Variants in TBC1D22A observed in about 807,000 individuals in gnomAD.
The protein encoded by TBC1D22A is putative GTPase activator.
A neutral mutation model predicts 60.2 loss-of-function variants in TBC1D22A; 38 were observed. The ratio of observed to expected loss-of-function variants is 0.63; its 90% confidence interval spans 0.49 to 0.83. The LOEUF (loss-of-function observed/expected upper bound fraction) is 0.83, where lower values mean the gene tolerates loss of function less well. Ranked by LOEUF, TBC1D22A falls within the 40% of genes least tolerant of loss-of-function variation. The pLI is 0.00. For synonymous variants in TBC1D22A, 302 were observed against 281.7 expected (o/e 1.07, Z -0.72); for missense variants, 628 against 701.0 (o/e 0.90, Z 1.18).
intron 11 of TBC1D22A, among the ~76,000 whole-genome samples, chr22:47,100,200 C>T (rs1156891529): frequency 2.0e-5 from 3 of 152,070 alleles, no homozygotes; most frequent in African/African-American, 7.2e-5. Flanking sequence ...AGGGGTGAGG[C>T]GTCAGGGCAC....
chr22:46,904,428 C>T (rs1307161706), intron 7 of TBC1D22A, among the ~76,000 whole-genome samples: 2 of 151,838 alleles, frequency 1.3e-5, no homozygotes, highest in African/African-American at 2.4e-5. Flanking sequence ...CTCTCAGCCG[C>T]GAGTGCTTTC....
In TBC1D22A at chr22:47,014,368, A is replaced by T. The variant is rs536705064; in HGVS notation, c.1201+16659A>T. On this transcript the variant is annotated intron_variant, in intron 10 of 12. Coordinates refer to ENST00000337137, the MANE Select transcript of TBC1D22A (RefSeq NM_014346.5). ...TACAGGTGTCCAGAGCCCTCTGATGACTCCCATAGCCGCAGGCCTCAGTCT... is the reference window on the plus strand; with the variant it reads ...TACAGGTGTCCAGAGCCCTCTGATGTCTCCCATAGCCGCAGGCCTCAGTCT... Among the ~76,000 whole-genome samples the T allele has an allele frequency of 5.1e-3, 773 of 151,318 alleles. 3 individuals are homozygous for T. The highest frequency in any genetic ancestry group is 6.3e-3 in the Non-Finnish European group (426 of 67,800).
At chr22:47,159,776 TCACA>T in intron 12 of TBC1D22A, among the ~76,000 whole-genome samples, 1 of 145,658 alleles carries the variant, frequency 6.9e-6, no homozygotes, top group Middle Eastern at 3.6e-3. Flanking sequence ...CACCACACAC[TCACA>T]CAGACCCTAC....
At chr22:46,939,022 T>C (rs565150704) in intron 8 of TBC1D22A, among the ~76,000 whole-genome samples, 1 of 131,642 alleles carries the variant, frequency 7.6e-6, no homozygotes, top group East Asian at 2.0e-4. Context: ...GTTACCCATA[T>C]GATTGCATTA....
At chr22:47,065,633 G>C (rs1259261507) in intron 11 of TBC1D22A, among the ~76,000 whole-genome samples, 3 of 152,280 alleles carry the variant, frequency 2.0e-5, no homozygotes, top group Non-Finnish European at 4.4e-5. Context: ...AGCAGGCCTC[G>C]GAGTTGGGAC....
intron 4 of TBC1D22A, among the ~76,000 whole-genome samples, chr22:46,806,099 C>T (rs1265754453): frequency 6.6e-6 from 1 of 152,188 alleles, no homozygotes; most frequent in African/African-American, 2.4e-5. Flanking sequence ...GATCCACCCG[C>T]TTTGGCCTCC....
chr22:47,067,156 C>T (rs780198379), intron 11 of TBC1D22A, among the ~76,000 whole-genome samples: 4 of 152,160 alleles, frequency 2.6e-5, no homozygotes, highest in African/African-American at 9.7e-5. Flanking sequence ...AACCCAGCTA[C>T]TCAGGAGGCT....
intron 10 of TBC1D22A, among the ~76,000 whole-genome samples, chr22:47,013,841 G>A (rs2061825310): frequency 6.6e-6 from 1 of 152,186 alleles, no homozygotes; most frequent in African/African-American, 2.4e-5. Flanking sequence ...CAGGGTAAGG[G>A]ACATTCCCAC....
chr22:47,061,205 G>T (rs1440286794), intron 11 of TBC1D22A, among the ~76,000 whole-genome samples: 2 of 151,628 alleles, frequency 1.3e-5, no homozygotes, highest in African/African-American at 4.9e-5. Flanking sequence ...CTTCCTCGGT[G>T]CCCTCACCAC....
At chr22:46,927,766 C>T (rs187349308) in intron 8 of TBC1D22A, among the ~76,000 whole-genome samples, 23 of 152,210 alleles carry the variant, frequency 1.5e-4, no homozygotes, top group African/African-American at 4.8e-4. Context: ...ATTAAAAAAT[C>T]GGTTACATTT....
chr22:47,124,141 G>C (rs981977444), intron 12 of TBC1D22A, among the ~76,000 whole-genome samples: 1 of 152,210 alleles, frequency 6.6e-6, no homozygotes, highest in Non-Finnish European at 1.5e-5. Context: ...TTGGGTCAGC[G>C]GGGGAGGGCA....
intron 8 of TBC1D22A, chr22:46,913,541 C>G (rs754410615): frequency 1.8e-5 from 22 of 1,231,938 alleles, no homozygotes; most frequent in Admixed American, 8.3e-5. Context: ...AGAGCTGCCT[C>G]GGCTCACTCC....
At chr22:46,921,318 T>G (rs2070745288) in intron 8 of TBC1D22A, among the ~76,000 whole-genome samples, 1 of 152,198 alleles carries the variant, frequency 6.6e-6, no homozygotes, top group African/African-American at 2.4e-5. Context: ...TAGCTCCCAC[T>G]TATAAGTGAG....
intron 8 of TBC1D22A, among the ~76,000 whole-genome samples, chr22:46,949,887 C>A (rs1040265533): frequency 3.9e-5 from 6 of 152,206 alleles, no homozygotes; most frequent in African/African-American, 9.7e-5. Context: ...GCCCTGAGGC[C>A]TGAGCCGAGG....
At chr22:46,909,209 G>T (rs971538325) in intron 7 of TBC1D22A, among the ~76,000 whole-genome samples, 3 of 152,118 alleles carry the variant, frequency 2.0e-5, no homozygotes, top group African/African-American at 7.2e-5. Flanking sequence ...GTGTGTGTGC[G>T]TGCATGTGTG....
chr22:47,135,267 C>T (rs916935475), intron 12 of TBC1D22A, among the ~76,000 whole-genome samples: 22 of 152,222 alleles, frequency 1.4e-4, no homozygotes, highest in African/African-American at 3.9e-4. Flanking sequence ...CACGGTCCTT[C>T]GATGAGGGTC....
chr22:47,045,319 T>G (rs949700863), intron 11 of TBC1D22A, among the ~76,000 whole-genome samples: 2 of 152,148 alleles, frequency 1.3e-5, no homozygotes, highest in Admixed American at 1.3e-4. Context: ...CCTCCGCGGT[T>G]TGGAAGTCCC....
chr22:46,762,653 A>C lies in TBC1D22A; in HGVS notation c.-134A>C. 1 of 682,916 alleles carries C rather than the reference A, an allele frequency of 1.5e-6. No individual in the cohort carries two copies. Among genetic ancestry groups the C allele is most frequent in the Non-Finnish European group, 2.2e-6 (1 of 461,296 alleles). 42.3% of individuals were successfully genotyped at this position (682,916 alleles called of 1,614,324 possible). A position where few individuals can be genotyped will look rare whatever the true frequency, so the allele number is the denominator to read the frequency against. ...GGCACAACTTCCGGAAGGAGGCGGAAGAGCTTCTCGGCTCTAGGCTCTGGA... is the reference window on the plus strand; with the variant it reads ...GGCACAACTTCCGGAAGGAGGCGGACGAGCTTCTCGGCTCTAGGCTCTGGA... On this transcript the variant is annotated 5_prime_UTR_variant, in exon 1 of 13. Coordinates refer to ENST00000337137, the MANE Select transcript of TBC1D22A (RefSeq NM_014346.5).
At chr22:47,036,961 G>T in intron 10 of TBC1D22A, 110 bp from the exon 11 acceptor site, 1 of 1,326,718 alleles carries the variant, frequency 7.5e-7, no homozygotes, top group Non-Finnish European at 1.0e-6. Context: ...ATTCCCTGTT[G>T]GAGTGGGGTT....
Sources: gnomAD v4.1 joint callset for allele counts (sites outside exome capture counted in the v4.1 genomes callset) on GRCh38, gnomAD v4.1.1 for gene constraint, MANE v1.5 for transcripts, NCBI Gene and HGNC (gene_info 2026-07-23, HGNC 2026-07-21) for gene names.